The following DTNB variants were observed in gnomAD, a reference collection of about 807,000 sequenced individuals.
DTNB encodes dystrobrevin beta, also known as DTN-B.
A neutral mutation model predicts 90.7 loss-of-function variants in DTNB; 63 were observed. The observed-to-expected ratio is 0.69, with a 90% CI of 0.57 to 0.86. DTNB has a LOEUF of 0.86. DTNB is among the 40% of genes least tolerant of loss of function. The probability of loss-of-function intolerance (pLI) is 0.00; values close to 1 mark genes in which losing one functional copy is unlikely to be tolerated. For synonymous variants in DTNB, 277 were observed against 286.7 expected, an observed-to-expected ratio of 0.97 and a Z score of 0.34; for missense variants, 744 against 807.1, an observed-to-expected ratio of 0.92 and a Z score of 0.95.
At chr2:25,381,188 T>G (rs1290740132) in intron 19 of DTNB, among the ~76,000 whole-genome samples, 2 of 151,578 alleles carry the variant, frequency 1.3e-5, no homozygotes, top group Non-Finnish European at 3.0e-5. Context: ...GGTTGGCATG[T>G]GCATGTGCAT....
rs575861954 is a variant in DTNB at position 25,551,211 on chromosome 2, C to T, written c.877-19614G>A. On this transcript the variant is annotated intron_variant, in intron 8 of 20. Coordinates refer to ENST00000406818, the MANE Select transcript of DTNB (RefSeq NM_021907.5). ...TTAACAACTATATTTTTCATTTTCA[C>T]GACTGCCTGTTTATTATGATTTCTG... 4.5e-4 allele frequency among the ~76,000 whole-genome samples: 68 copies of T among 152,298 alleles called. 1 individual carries two copies. The highest frequency in any genetic ancestry group is 7.3e-4 in the Non-Finnish European group (50 of 68,034).
intron 12 of DTNB, among the ~76,000 whole-genome samples, chr2:25,442,125 G>A (rs193009779): frequency 3.3e-5 from 5 of 152,318 alleles, no homozygotes; most frequent in Non-Finnish European, 1.5e-5. Context: ...CTAGTTCAAC[G>A]TTGAGCTAAT....
chr2:25,449,542 A>G (rs994810770), intron 12 of DTNB, among the ~76,000 whole-genome samples: 1 of 152,176 alleles, frequency 6.6e-6, no homozygotes, highest in African/African-American at 2.4e-5. Flanking sequence ...CAGTGGTATC[A>G]TTGGCATTTT....
At chr2:25,669,243 C>T (rs1480866879) in intron 1 of DTNB, among the ~76,000 whole-genome samples, 1 of 151,940 alleles carries the variant, frequency 6.6e-6, no homozygotes, top group Non-Finnish European at 1.5e-5. Flanking sequence ...GAACTGTACA[C>T]TTACAATGGT....
chr2:25,572,422 G>A (rs1218160863), intron 8 of DTNB, among the ~76,000 whole-genome samples: 1 of 150,706 alleles, frequency 6.6e-6, no homozygotes, highest in African/African-American at 2.4e-5. Flanking sequence ...AGCCGAGATC[G>A]CGCCACTGCA....
chr2:25,514,485 GC>G (rs540764775), intron 9 of DTNB, among the ~76,000 whole-genome samples: 2 of 128,398 alleles, frequency 1.6e-5, no homozygotes, highest in Admixed American at 8.1e-5. Flanking sequence ...AGGGATAAAA[GC>G]CCCCCCACCC....
intron 2 of DTNB, chr2:25,650,102 T>C: frequency 5.1e-6 from 5 of 985,444 alleles, no homozygotes; most frequent in Non-Finnish European, 6.0e-6. Flanking sequence ...AGTAGTAACA[T>C]TCACAAAGAA....
intron 3 of DTNB, among the ~76,000 whole-genome samples, chr2:25,638,128 A>G (rs1189028537): frequency 6.6e-6 from 1 of 152,186 alleles, no homozygotes; most frequent in African/African-American, 2.4e-5. Flanking sequence ...TGAACACCAC[A>G]TGTTCTCACT....
At chr2:25,388,580 C>T in intron 16 of DTNB, 1 of 558,722 alleles carries the variant, frequency 1.8e-6, no homozygotes. Context: ...GAGAGAACAT[C>T]CTAAGAACAA....
In DTNB at chr2:25,432,876, C is replaced by T; in HGVS notation, c.1457+10G>A. On this transcript the variant is annotated intron_variant, in intron 14 of 20. Coordinates refer to ENST00000406818, the MANE Select transcript of DTNB (RefSeq NM_021907.5). Reference sequence around the variant, plus strand: ...TTACATGTGGCAAGTGGTAGAGTGTCCCTACTCACCTCAGCAGCCGCAGCT... The same window carrying T: ...TTACATGTGGCAAGTGGTAGAGTGTTCCTACTCACCTCAGCAGCCGCAGCT... 6.3e-6 allele frequency: 10 copies of T among 1,586,792 alleles called. No homozygotes were observed. Among genetic ancestry groups the T allele is most frequent in the Non-Finnish European group, 7.7e-6 (9 of 1,167,284 alleles).
At chr2:25,462,893 C>T (rs936205991) in intron 10 of DTNB, among the ~76,000 whole-genome samples, 7 of 151,988 alleles carry the variant, frequency 4.6e-5, no homozygotes, top group South Asian at 4.1e-4. Flanking sequence ...TTAGTAGAGA[C>T]GGGGTTTCAC....
intron 8 of DTNB, among the ~76,000 whole-genome samples, chr2:25,547,152 C>T (rs1265264128): frequency 6.6e-6 from 1 of 152,010 alleles, no homozygotes; most frequent in Non-Finnish European, 1.5e-5. Context: ...CCTGGCCAGA[C>T]TTTCAATTAT....
At chr2:25,506,597 A>G in intron 9 of DTNB, among the ~76,000 whole-genome samples, 1 of 152,158 alleles carries the variant, frequency 6.6e-6, no homozygotes, top group African/African-American at 2.4e-5. Flanking sequence ...TTCAGCTCCC[A>G]GTTATAAGTG....
At chr2:25,444,488 T>C (rs1171613863) in intron 12 of DTNB, among the ~76,000 whole-genome samples, 2 of 148,932 alleles carry the variant, frequency 1.3e-5, no homozygotes, top group Admixed American at 6.7e-5. Context: ...TAAGCCGAGA[T>C]TGGGCCACTG....
intron 2 of DTNB, among the ~76,000 whole-genome samples, chr2:25,642,586 A>AT (rs2148861651): frequency 6.8e-6 from 1 of 146,974 alleles, no homozygotes; most frequent in South Asian, 2.2e-4. Context: ...AATTTTTTGT[A>AT]TTTTTTACAG....
chr2:25,429,825 A>C (rs965265033), intron 14 of DTNB, among the ~76,000 whole-genome samples: 1 of 152,190 alleles, frequency 6.6e-6, no homozygotes, highest in Non-Finnish European at 1.5e-5. Context: ...TGCCTGGCTA[A>C]TTATATCTCC....
At chr2:25,383,052 T>G (rs560793730) in intron 19 of DTNB, among the ~76,000 whole-genome samples, 1 of 152,354 alleles carries the variant, frequency 6.6e-6, no homozygotes, top group African/African-American at 2.4e-5. Context: ...ACACCTTCCC[T>G]TCTTGGTTTT....
intron 7 of DTNB, among the ~76,000 whole-genome samples, chr2:25,577,807 C>G (rs760706910): frequency 6.6e-6 from 1 of 152,090 alleles, no homozygotes; most frequent in African/African-American, 2.4e-5. Context: ...TCGAGACCAG[C>G]CTGACCAACA....
chr2:25,628,637 T>C (rs751481961), intron 3 of DTNB, among the ~76,000 whole-genome samples: 22 of 152,098 alleles, frequency 1.4e-4, no homozygotes, highest in Non-Finnish European at 2.2e-4. Flanking sequence ...TCTCTGCAAA[T>C]AGTGACCCAT....
Sources: allele counts gnomAD v4.1 joint callset (sites outside exome capture counted in the v4.1 genomes callset), GRCh38; gene constraint gnomAD v4.1.1; transcripts MANE v1.5; gene names NCBI Gene and HGNC (gene_info 2026-07-23, HGNC 2026-07-21).